RSBN1L: variants seen among roughly 807,000 people sequenced by gnomAD.
RSBN1L encodes lysine-specific demethylase RSBN1L.
A neutral mutation model predicts 67.7 loss-of-function variants in RSBN1L; 30 were observed. The ratio of observed to expected loss-of-function variants is 0.44; its 90% CI spans 0.33 to 0.60. The LOEUF (loss-of-function observed/expected upper bound fraction) is 0.60. RSBN1L is among the 20% of genes least tolerant of loss of function. RSBN1L has a pLI of 0.02. For synonymous variants in RSBN1L, 433 were observed against 387.0 expected, an observed-to-expected ratio of 1.12 and a Z score of -1.39; for missense variants, 992 against 1,031.7, an observed-to-expected ratio of 0.96 and a Z score of 0.53.
intron 1 of RSBN1L, among the ~76,000 whole-genome samples, chr7:77,710,656 C>T (rs143897193): frequency 2.6e-5 from 4 of 152,012 alleles, no homozygotes; most frequent in South Asian, 2.1e-4. Context: ...AGTGTAGTGG[C>T]GCGATCTTGG....
At chr7:77,723,321 A>G (rs1791147623) in intron 1 of RSBN1L, among the ~76,000 whole-genome samples, 1 of 152,188 alleles carries the variant, frequency 6.6e-6, no homozygotes, top group African/African-American at 2.4e-5. Context: ...TTTCTTAAAA[A>G]AATTAATGAA....
intron 1 of RSBN1L, among the ~76,000 whole-genome samples, chr7:77,719,958 T>C (rs912111565): frequency 6.6e-6 from 1 of 152,102 alleles, no homozygotes; most frequent in African/African-American, 2.4e-5. Flanking sequence ...AGAGAAAGGG[T>C]CTCGCCATAT....
chr7:77,748,657 G>C (rs1333485473), intron 2 of RSBN1L, among the ~76,000 whole-genome samples: 1 of 151,884 alleles, frequency 6.6e-6, no homozygotes, highest in Non-Finnish European at 1.5e-5. Context: ...GCTAATTTTT[G>C]TGTTTTTAGT....
chr7:77,701,353 C>T (rs1790816295), intron 1 of RSBN1L, among the ~76,000 whole-genome samples: 1 of 151,904 alleles, frequency 6.6e-6, no homozygotes, highest in African/African-American at 2.4e-5. Flanking sequence ...CTCATGCCTT[C>T]CTTTTGGTTT....
chr7:77,748,551 G>A (rs1791513450), intron 2 of RSBN1L, among the ~76,000 whole-genome samples: 1 of 152,018 alleles, frequency 6.6e-6, no homozygotes, highest in South Asian at 2.1e-4. Context: ...GCAGTGGCAC[G>A]ATCTTGGCTC....
intron 5 of RSBN1L, among the ~76,000 whole-genome samples, chr7:77,770,823 C>T (rs535600712): frequency 8.5e-5 from 13 of 152,232 alleles, no homozygotes; most frequent in Middle Eastern, 3.4e-3. Flanking sequence ...CAAAACCCTA[C>T]TATGTGTGAT....
intron 1 of RSBN1L, among the ~76,000 whole-genome samples, chr7:77,724,928 C>T (rs1218265008): frequency 3.4e-5 from 5 of 148,002 alleles, no homozygotes; most frequent in East Asian, 2.1e-4. Flanking sequence ...CTGCAACCTC[C>T]GCCTCCCGGG....
At chr7:77,729,021 A>AT (rs1186899362) in intron 1 of RSBN1L, among the ~76,000 whole-genome samples, 1 of 149,992 alleles carries the variant, frequency 6.7e-6, no homozygotes. Flanking sequence ...TTATTTATTT[A>AT]TTTTTTAACA....
Position 77,779,258 on chromosome 7 carries a change from T to TTC in RSBN1L, c.*90_*91insTC. On this transcript the variant is annotated 3_prime_UTR_variant, in exon 8 of 8. Transcript: ENST00000334955. ...TGAAAGCAAGCCAAGGACTTGCTCC[T>TTC]ATGTCTGTTACAAAACATAGTTTAT... 7 of 865,256 alleles carry TTC rather than the reference T, an allele frequency of 8.1e-6. No individual in the cohort carries two copies. The highest frequency in any genetic ancestry group is 1.8e-5 in the South Asian group (1 of 54,232). The allele number at this position is 865,256 out of a possible 1,614,324, so 53.6% of individuals were successfully genotyped here.
intron 1 of RSBN1L, among the ~76,000 whole-genome samples, chr7:77,718,700 T>C (rs182240190): frequency 6.6e-6 from 1 of 152,352 alleles, no homozygotes; most frequent in Admixed American, 6.5e-5. Context: ...AATAAGACTT[T>C]GTGAAGGCTG....
chr7:77,701,474 G>A (rs1390463412), intron 1 of RSBN1L, among the ~76,000 whole-genome samples: 1 of 152,008 alleles, frequency 6.6e-6, no homozygotes, highest in African/African-American at 2.4e-5. Context: ...TTTGAAGGTG[G>A]TGTTCCCTTA....
intron 1 of RSBN1L, among the ~76,000 whole-genome samples, chr7:77,702,265 A>G (rs1195023925): frequency 6.6e-6 from 1 of 152,148 alleles, no homozygotes; most frequent in Non-Finnish European, 1.5e-5. Context: ...TGCGCCTGGA[A>G]AAGTTTAAGC....
intron 2 of RSBN1L, among the ~76,000 whole-genome samples, chr7:77,738,379 AAACT>A (rs1791364298): frequency 6.6e-6 from 1 of 152,228 alleles, no homozygotes; most frequent in South Asian, 2.1e-4. Flanking sequence ...AGTTAAACTG[AAACT>A]AGTGATGATT....
In RSBN1L at chr7:77,782,444, A is replaced by C. The variant is rs780979837; in HGVS notation, c.*3276A>C. On this transcript the variant is annotated 3_prime_UTR_variant, in exon 8 of 8. Coordinates refer to ENST00000334955, the MANE Select transcript of RSBN1L (RefSeq NM_198467.3). The stretch of plus-strand genomic sequence containing the variant: ...CCATTTTGTTTATAACCTTTTAGCT[A>C]TCTAAATAATACGTATTCCATACTC... The C allele has an allele frequency of 6.6e-6, 1 of 152,322 alleles. No individual in the cohort carries two copies. The highest frequency in any genetic ancestry group is 1.9e-4 in the East Asian group (1 of 5,186). The allele number at this position is 152,322 out of a possible 1,614,324, so 9.4% of individuals were successfully genotyped here.
At position 77,727,246 on chromosome 7, in the gene RSBN1L, C is replaced by G. The variant is rs919213068; in HGVS notation, c.587-9164C>G. 2.0e-5 allele frequency among the ~76,000 whole-genome samples: 3 copies of G among 152,256 alleles called. No individual in the cohort carries two copies. The East Asian group carries it at 5.8e-4, about 29-fold the overall frequency. ...GGGATTACACACATGTGCCACCACGCCCAACTAGTTTTATATTTTTAGTAC... is the reference window on the plus strand; with the variant it reads ...GGGATTACACACATGTGCCACCACGGCCAACTAGTTTTATATTTTTAGTAC... On this transcript the variant is annotated intron_variant, in intron 1 of 7. Transcript: ENST00000334955.
intron 5 of RSBN1L, among the ~76,000 whole-genome samples, chr7:77,770,707 A>AAAATGGTGAAAT (rs1791837292): frequency 6.6e-6 from 1 of 152,178 alleles, no homozygotes; most frequent in Non-Finnish European, 1.5e-5. Flanking sequence ...GAAATAGTTA[A>AAAATGGTGAAAT]AGTTTTAAAA....
Position 77,725,243 on chromosome 7 carries a change from A to AATTTTTTTTTTTTTTTTTTTTTTTTTT in RSBN1L, c.587-11167_587-11166insATTTTTTTTTTTTTTTTTTTTTTTTTT, listed in dbSNP as rs1554338354. Among the ~76,000 whole-genome samples, 28 of 57,878 alleles carry AATTTTTTTTTTTTTTTTTTTTTTTTTT rather than the reference A, an allele frequency of 4.8e-4. 3 individuals carry two copies. Among genetic ancestry groups the AATTTTTTTTTTTTTTTTTTTTTTTTTT allele is most frequent in the African/African-American group, 2.5e-3 (28 of 11,300 alleles). 38.0% of individuals were successfully genotyped at this position (57,878 alleles called of 152,430 possible). A position where few individuals can be genotyped will look rare whatever the true frequency, so the allele number is the denominator to read the frequency against. ...TTTCTTCCCTAGGGATAAGCCCCCCACTTTTTTTTTTTTTTTTTTTTTGAG... is the reference window on the plus strand; with the variant it reads ...TTTCTTCCCTAGGGATAAGCCCCCCAATTTTTTTTTTTTTTTTTTTTTTTTTTCTTTTTTTTTTTTTTTTTTTTTGAG... On this transcript the variant is annotated intron_variant, in intron 1 of 7. Transcript: ENST00000334955.
chr7:77,734,530 C>T (rs1030095024), intron 1 of RSBN1L, among the ~76,000 whole-genome samples: 1 of 151,832 alleles, frequency 6.6e-6, no homozygotes, highest in Non-Finnish European at 1.5e-5. Flanking sequence ...ACTCTGCCAC[C>T]CAGCCTGGAG....
intron 3 of RSBN1L, among the ~76,000 whole-genome samples, chr7:77,763,086 A>T (rs1393683970): frequency 6.6e-6 from 1 of 151,996 alleles, no homozygotes; most frequent in Non-Finnish European, 1.5e-5. Flanking sequence ...TTTAAACAAG[A>T]TAAGGAAATT....
Sources: allele counts gnomAD v4.1 joint callset (sites outside exome capture counted in the v4.1 genomes callset), GRCh38; gene constraint gnomAD v4.1.1; transcripts MANE v1.5; gene names NCBI Gene and HGNC (gene_info 2026-07-23, HGNC 2026-07-21).